Variants in MORN1 observed in about 807,000 individuals in gnomAD.
The protein encoded by MORN1 is MORN repeat containing 1.
MORN1 carries 67 observed loss-of-function variants against 61.9 expected under a neutral mutation model. That is an observed-to-expected ratio of 1.08 (90% CI 0.89 to 1.33). The LOEUF (loss-of-function observed/expected upper bound fraction) is 1.33. Among genes scored for constraint, MORN1 ranks in the 40% most tolerant of loss-of-function variants. MORN1 has a pLI of 0.00. For synonymous variants in MORN1, 301 were observed against 292.0 expected (o/e 1.03, Z -0.31); for missense variants, 752 against 691.2 (o/e 1.09, Z -0.99).
intron 12 of MORN1, chr1:2,332,628 G>A (rs552468951): frequency 3.5e-4 from 161 of 456,564 alleles, no homozygotes; most frequent in Non-Finnish European, 5.3e-4. Flanking sequence ...GCGACGTGGC[G>A]TCTGGACATG....
intron 3 of MORN1, 105 bp downstream of exon 3, chr1:2,388,134 G>A: frequency 1.1e-6 from 1 of 892,658 alleles, no homozygotes; most frequent in Non-Finnish European, 1.8e-6. Context: ...ACGGCACAAA[G>A]CTTCCCGTCT....
At chr1:2,328,779 C>G (rs1641087688) in intron 12 of MORN1, among the ~76,000 whole-genome samples, 1 of 152,220 alleles carries the variant, frequency 6.6e-6, no homozygotes, top group Admixed American at 6.5e-5. Context: ...CCAGCCCCAG[C>G]TCCTCTCCCG....
intron 12 of MORN1, among the ~76,000 whole-genome samples, chr1:2,325,125 T>TC (rs1488574511): frequency 9.7e-5 from 3 of 30,784 alleles, no homozygotes; most frequent in Admixed American, 5.7e-4. Flanking sequence ...TTCCTTCCCT[T>TC]CCTTCCTTCC....
chr1:2,344,142 G>A (rs556574501), intron 10 of MORN1, among the ~76,000 whole-genome samples: 5 of 152,352 alleles, frequency 3.3e-5, no homozygotes, highest in African/African-American at 1.2e-4. Context: ...AGCAGAGAAT[G>A]TGAGTCCCCA....
rs199733856 is a variant in MORN1 at position 2,372,616 on chromosome 1, T to C, written c.635-25A>G. 1.3e-6 allele frequency: 2 copies of C among 1,583,636 alleles called. No homozygotes were observed. The highest frequency in any genetic ancestry group is 1.7e-6 in the Non-Finnish European group (2 of 1,157,266). On this transcript the variant is annotated intron_variant, in intron 7 of 13. Coordinates refer to ENST00000378531, the MANE Select transcript of MORN1 (RefSeq NM_024848.3). This position sits in a 1 kb window ranked among gnomAD's most constrained non-coding sequence, Gnocchi z 5.4. Reference sequence around the variant, plus strand: ...TCTGGGAGAGGACAGAGTGTGGCTTTAGCGGTGACTGGCATGGTCCCCCAC... The same window carrying C: ...TCTGGGAGAGGACAGAGTGTGGCTTCAGCGGTGACTGGCATGGTCCCCCAC...
chr1:2,356,091 G>T (rs1641762101), intron 10 of MORN1, among the ~76,000 whole-genome samples: 1 of 152,210 alleles, frequency 6.6e-6, no homozygotes, highest in Admixed American at 6.5e-5. Context: ...TGAGGACTCA[G>T]GGGCGGCAGG....
rs750220569 is a variant in MORN1, at chr1:2,385,064, TC to T, written c.450del (p.Asn151ThrfsTer68). The T allele has an allele frequency of 3.1e-6, 5 of 1,590,316 alleles. No individual in the cohort carries two copies. In the Admixed American group the frequency reaches 8.7e-5, roughly 28 times the overall value. On this transcript the variant is annotated frameshift_variant and splice_region_variant, in exon 6 of 14. Coordinates refer to ENST00000378531, the MANE Select transcript of MORN1 (RefSeq NM_024848.3). LOFTEE classifies it high-confidence loss of function. ...CAGTCGCCGTCGTACTTGTCACCGT[TC>T]CTGGGGGACACACGCACGGAGTCCA... ...KRHGPGQMLF[Q>X]NGDKYDGDWV... is the part of the protein sequence containing the mutation.
chr1:2,336,114 AC>A (rs1641269645), intron 12 of MORN1, among the ~76,000 whole-genome samples: 1 of 151,664 alleles, frequency 6.6e-6, no homozygotes, highest in South Asian at 2.1e-4. Flanking sequence ...ACTGCCCTGA[AC>A]CCTGGCCACC....
At chr1:2,331,875 G>A (rs1472249080) in intron 12 of MORN1, among the ~76,000 whole-genome samples, 1 of 121,966 alleles carries the variant, frequency 8.2e-6, no homozygotes, top group Non-Finnish European at 1.7e-5. Context: ...TCCCTCGTGC[G>A]CCTCTCCCGC....
intron 10 of MORN1, among the ~76,000 whole-genome samples, chr1:2,340,590 G>A (rs1006603214): frequency 6.6e-6 from 1 of 152,236 alleles, no homozygotes; most frequent in Non-Finnish European, 1.5e-5. Flanking sequence ...AGCACCCCTG[G>A]TCCTGTCGCC....
intron 13 of MORN1, chr1:2,323,326 T>A: frequency 2.0e-6 from 2 of 985,384 alleles, no homozygotes; most frequent in Non-Finnish European, 1.2e-6. Flanking sequence ...CACGGTGGCA[T>A]CCAGACCCCA....
intron 12 of MORN1, among the ~76,000 whole-genome samples, chr1:2,329,505 C>G (rs534969780): frequency 1.3e-5 from 2 of 152,232 alleles, no homozygotes; most frequent in Admixed American, 1.3e-4. Context: ...CCCAGCCCCC[C>G]GCCTGCGGGA....
intron 13 of MORN1, chr1:2,323,584 G>GCC (rs1640931526): frequency 1.0e-6 from 1 of 985,188 alleles, no homozygotes; most frequent in African/African-American, 1.7e-5. Flanking sequence ...ACTGGAGGAG[G>GCC]CCCCACGGCT....
At chr1:2,386,153 A>C in intron 4 of MORN1, 25 of 485,204 alleles carry the variant, frequency 5.2e-5, no homozygotes, top group Middle Eastern at 5.9e-4. Flanking sequence ...GGCAGCAAAA[A>C]TGGCCCTGGG....
At chr1:2,348,496 T>A (rs1641562981) in intron 10 of MORN1, among the ~76,000 whole-genome samples, 1 of 152,200 alleles carries the variant, frequency 6.6e-6, no homozygotes, top group Non-Finnish European at 1.5e-5. Flanking sequence ...GAACCCCGGT[T>A]CTTTTCAGAC....
At position 2,321,556 on chromosome 1, in the gene MORN1, C is replaced by T. The variant is rs1253727578; in HGVS notation, c.1321G>A (p.Asp441Asn). Reference sequence around the variant, plus strand: ...CCCAGGAACGGCGGGGTGGTCACGTCGCGGATCATGAGCACGTACTCCCCT... The same window carrying T: ...CCCAGGAACGGCGGGGTGGTCACGTTGCGGATCATGAGCACGTACTCCCCT... ...HLGEYVLMIR[D>N]VTTPPFLGRR... Residue 441 changes from aspartate to asparagine, a missense_variant, in exon 14 of 14, where the codon GAC (aspartate) becomes AAC (asparagine). Coordinates refer to ENST00000378531, the MANE Select transcript of MORN1 (RefSeq NM_024848.3). 9 of 1,518,584 alleles carry T rather than the reference C, an allele frequency of 5.9e-6. No individual in the cohort carries two copies. Among genetic ancestry groups the T allele is most frequent in the Middle Eastern group, 1.7e-4 (1 of 5,828 alleles). The allele number at this position is 1,518,584 out of a possible 1,614,324, so 94.1% of individuals were successfully genotyped here.
rs561253989 is a variant in MORN1 at position 2,374,257 on chromosome 1, C to T, written c.634+204G>A. On this transcript the variant is annotated intron_variant, in intron 7 of 13. Transcript: ENST00000378531. ...CCCCCAGACACTCAGGCCCCAAGTC[C>T]GGGAAGCCCCACTTGCAGCAGGACC... 1.2e-4 allele frequency among the ~76,000 whole-genome samples: 18 copies of T among 152,332 alleles called. No homozygotes were observed. In the South Asian group the frequency reaches 3.5e-3, roughly 30 times the overall value.
At position 2,334,992 on chromosome 1, in the gene MORN1, C is replaced by T. The variant is rs573427221; in HGVS notation, c.1250+1477G>A. Among the ~76,000 whole-genome samples the T allele has an allele frequency of 3.9e-5, 6 of 152,360 alleles. No individual in the cohort carries two copies. Among genetic ancestry groups the T allele is most frequent in the South Asian group, 2.1e-4 (1 of 4,830 alleles). On this transcript the variant is annotated intron_variant, in intron 12 of 13. Transcript: ENST00000378531. This position sits in a 1 kb window ranked among gnomAD's most constrained non-coding sequence, Gnocchi z 5.4. ...TGGCTCTCGCAGACGCTCCTGAGGCCGAGTCACTGGGCAAACAGGGCCCCA... is the reference window on the plus strand; with the variant it reads ...TGGCTCTCGCAGACGCTCCTGAGGCTGAGTCACTGGGCAAACAGGGCCCCA...
At chr1:2,383,912 C>A (rs538120286) in intron 6 of MORN1, among the ~76,000 whole-genome samples, 1 of 152,240 alleles carries the variant, frequency 6.6e-6, no homozygotes, top group Admixed American at 6.5e-5. Context: ...GGAGCTCAGG[C>A]CTGCAGCCCA....
Sources: allele counts gnomAD v4.1 joint callset (sites outside exome capture counted in the v4.1 genomes callset), GRCh38; gene constraint gnomAD v4.1.1; non-coding constraint Gnocchi (gnomAD v3.1); transcripts MANE v1.5; gene names NCBI Gene and HGNC (gene_info 2026-07-23, HGNC 2026-07-21).